Variants in CFAP74 observed in about 807,000 individuals in gnomAD.
CFAP74 encodes the protein cilia- and flagella-associated protein 74.
CFAP74 carries 124 observed loss-of-function variants against 188.9 expected under a neutral mutation model. That is an observed-to-expected ratio of 0.66 (90% CI 0.57 to 0.76). The LOEUF (loss-of-function observed/expected upper bound fraction) is 0.76. CFAP74 is among the 30% of genes least tolerant of loss of function. CFAP74 has a pLI of 0.00. For synonymous variants in CFAP74, 956 were observed against 916.7 expected (o/e 1.04, Z -0.77); for missense variants, 2,198 against 2,165.2 (o/e 1.02, Z -0.30).
intron 18 of CFAP74, among the ~76,000 whole-genome samples, chr1:1,950,145 T>C (rs1266634581): frequency 6.6e-6 from 1 of 152,220 alleles, no homozygotes; most frequent in Non-Finnish European, 1.5e-5. Flanking sequence ...CACCGGCACT[T>C]GCTATTGTTA....
chr1:1,956,203 G>A (rs1654612354), intron 17 of CFAP74, among the ~76,000 whole-genome samples: 1 of 152,206 alleles, frequency 6.6e-6, no homozygotes. Flanking sequence ...TGAGCCTTGG[G>A]ACACCCATAC....
chr1:1,958,098 C>T (rs939069688), intron 16 of CFAP74, among the ~76,000 whole-genome samples: 2 of 152,254 alleles, frequency 1.3e-5, no homozygotes, highest in African/African-American at 4.8e-5. Flanking sequence ...ATCCCAACCC[C>T]TCTCCACGGC....
intron 29 of CFAP74, 41 bp from the exon 30 acceptor site, chr1:1,926,802 C>T: frequency 6.5e-7 from 1 of 1,546,766 alleles, no homozygotes; most frequent in Non-Finnish European, 8.7e-7. Context: ...GTGGGCGGCC[C>T]CCTGCCCGCC....
At chr1:1,939,106 G>A (rs1457819993) in intron 24 of CFAP74, 118 bp from the exon 25 acceptor site, 22 of 1,093,734 alleles carry the variant, frequency 2.0e-5, no homozygotes, top group South Asian at 9.2e-5. Context: ...GCGAATGTGA[G>A]GGTGAGAGTG....
At chr1:1,981,153 C>T (rs1386119093) in intron 6 of CFAP74, among the ~76,000 whole-genome samples, 1 of 152,252 alleles carries the variant, frequency 6.6e-6, no homozygotes, top group Non-Finnish European at 1.5e-5. Flanking sequence ...TTGGGCTCTA[C>T]CGCTGGAAGC....
intron 20 of CFAP74, 25 bp downstream of exon 20, chr1:1,946,292 G>A (rs777447282): frequency 3.1e-5 from 47 of 1,525,106 alleles, no homozygotes; most frequent in Non-Finnish European, 3.8e-5. Flanking sequence ...GGGTGTGTGC[G>A]TGGCGTGGCA....
intron 21 of CFAP74, among the ~76,000 whole-genome samples, chr1:1,943,732 G>A (rs903210128): frequency 1.3e-5 from 2 of 152,214 alleles, no homozygotes; most frequent in African/African-American, 2.4e-5. Context: ...TGTGGCTGCT[G>A]AAAGGATTTG....
At position 1,923,562 on chromosome 1, in the gene CFAP74, G is replaced by A; in HGVS notation, c.4390-63C>T. 1 of 1,581,108 alleles carries A rather than the reference G, an allele frequency of 6.3e-7. No homozygotes were observed. Among genetic ancestry groups the A allele is most frequent in the East Asian group, 2.3e-5 (1 of 44,432 alleles). Reference sequence around the variant, plus strand: ...TCGGCGGCAGGGGTCCTGCTGGTGAGAGCTGGGCTGGCTCAGGGAAGGAAG... The same window carrying A: ...TCGGCGGCAGGGGTCCTGCTGGTGAAAGCTGGGCTGGCTCAGGGAAGGAAG... On this transcript the variant is annotated intron_variant, in intron 35 of 38. Coordinates refer to ENST00000682832, the MANE Select transcript of CFAP74 (RefSeq NM_001304360.2). The surrounding 1 kb of genome is among the most constrained non-coding windows in gnomAD (Gnocchi z 6.3).
At chr1:1,959,879 A>G in intron 15 of CFAP74, 85 bp downstream of exon 15, 5 of 1,213,338 alleles carry the variant, frequency 4.1e-6, no homozygotes, top group Non-Finnish European at 5.7e-6. Flanking sequence ...TCCTTCCCCC[A>G]TCATGTTCTG....
chr1:1,976,191 C>CA (rs1399527451), intron 6 of CFAP74, among the ~76,000 whole-genome samples: 1 of 152,254 alleles, frequency 6.6e-6, no homozygotes, highest in Non-Finnish European at 1.5e-5. Context: ...TTCCTGCCGT[C>CA]ACCTCCAGGG....
chr1:1,950,660 G>C (rs2102056198), intron 18 of CFAP74, among the ~76,000 whole-genome samples: 1 of 152,020 alleles, frequency 6.6e-6, no homozygotes, highest in Admixed American at 6.6e-5. Context: ...TTTTTGACTG[G>C]GTTATTTTCC....
intron 9 of CFAP74, among the ~76,000 whole-genome samples, chr1:1,971,622 A>C (rs1432662176): frequency 6.6e-6 from 1 of 151,298 alleles, no homozygotes; most frequent in Non-Finnish European, 1.5e-5. Flanking sequence ...TGCTGTTCCC[A>C]CTCTTCCCTC....
At position 1,938,917 on chromosome 1, in the gene CFAP74, G is replaced by C; in HGVS notation, c.2949C>G (p.Ile983Met). ...GTTCCTCGGCCTTGGTGGGCTGGAA[G>C]ATCACACAGAACTGCAGCGTTTCCA... ...LPLETLQFCV[I>M]FQPTKAEEHR... Residue 983 changes from isoleucine (I) to methionine (M), a missense_variant, in exon 25 of 39, where the codon ATC becomes ATG. Transcript: ENST00000682832. 1 of 1,536,182 alleles carries C rather than the reference G, an allele frequency of 6.5e-7. No homozygotes were observed. The highest frequency in any genetic ancestry group is 8.7e-7 in the Non-Finnish European group (1 of 1,146,904).
At chr1:1,993,914 G>A (rs868408409) in intron 1 of CFAP74, among the ~76,000 whole-genome samples, 114 of 150,374 alleles carry the variant, frequency 7.6e-4, no homozygotes, top group South Asian at 2.1e-3. Flanking sequence ...CCCGGGAGGC[G>A]GAGCTTGCAG....
chr1:1,991,042 T>C, intron 1 of CFAP74, 67 bp from the exon 2 acceptor site: 2 of 1,128,612 alleles, frequency 1.8e-6, no homozygotes, highest in Non-Finnish European at 2.6e-6. Flanking sequence ...GAATTAACCA[T>C]TTCTCTTAAA....
At chr1:1,937,228 C>T (rs1300422213) in intron 25 of CFAP74, among the ~76,000 whole-genome samples, 2 of 152,236 alleles carry the variant, frequency 1.3e-5, no homozygotes, top group African/African-American at 2.4e-5. Flanking sequence ...GGGGCGTTAG[C>T]GCCCTGGGGA....
intron 14 of CFAP74, 82 bp from the exon 15 acceptor site, chr1:1,960,112 C>T: frequency 8.2e-7 from 1 of 1,218,284 alleles, no homozygotes. Context: ...CACAGTCAGG[C>T]TGGGCCTCCT....
chr1:1,930,288 C>A lies in CFAP74; in HGVS notation c.3060G>T (p.Glu1020Asp). The A allele has an allele frequency of 6.5e-7, 1 of 1,534,264 alleles. No individual in the cohort carries two copies. Among genetic ancestry groups the A allele is most frequent in the Non-Finnish European group, 8.7e-7 (1 of 1,145,522 alleles). ...CRAVGVHPPL[E>D]LSHYQIKFAA... ...CAAACTTGATCTGGTAGTGGGACAGCTCCAGGGGTGGGTGGACGCCTACAG... is the reference window on the plus strand; with the variant it reads ...CAAACTTGATCTGGTAGTGGGACAGATCCAGGGGTGGGTGGACGCCTACAG... Residue 1020 changes from glutamate (E) to aspartate (D), a missense_variant, in exon 26 of 39, where the codon GAG (glutamate) becomes GAT (aspartate). Physicochemically the swap from Glu to Asp is conservative, Grantham distance 45 (BLOSUM62 2). Transcript: ENST00000682832.
chr1:1,922,668 A>G lies in CFAP74; in HGVS notation c.4739T>C (p.Ile1580Thr), dbSNP rs1307785361. 8.1e-6 allele frequency: 13 copies of G among 1,602,026 alleles called. No homozygotes were observed. The highest frequency in any genetic ancestry group is 1.3e-5 in the African/African-American group (1 of 74,886). Reference sequence around the variant, plus strand: ...CTCCACGGAGCCCCTGGAGGGCTCAATAGAGAAACCCTTGTGCTGCAGGGA... The same window carrying G: ...CTCCACGGAGCCCCTGGAGGGCTCAGTAGAGAAACCCTTGTGCTGCAGGGA... Reference protein sequence around the residue: ...VASLQHKGFSIEPSRGSVERG... With the variant: ...VASLQHKGFSTEPSRGSVERG... The change falls in exon 38 of 39, where the codon ATT (isoleucine) becomes ACT (threonine). Residue 1580 changes from isoleucine (I) to threonine (T), a missense_variant. By Grantham distance (89) the Ile-to-Thr change is moderately conservative (BLOSUM62 -1). Coordinates refer to ENST00000682832, the MANE Select transcript of CFAP74 (RefSeq NM_001304360.2).
Sources: allele counts gnomAD v4.1 joint callset (sites outside exome capture counted in the v4.1 genomes callset), GRCh38; gene constraint gnomAD v4.1.1; non-coding constraint Gnocchi (gnomAD v3.1); transcripts MANE v1.5; gene names NCBI Gene and HGNC (gene_info 2026-07-23, HGNC 2026-07-21).